The following CUX1 variants were observed in gnomAD, a reference collection of about 807,000 sequenced individuals.
CUX1 encodes the protein cut like homeobox 1, also known as protein CASP.
In CUX1, 31 loss-of-function variants were observed where a neutral mutation model predicts 158.8. The observed-to-expected ratio is 0.20, with a 90% CI of 0.15 to 0.26. The LOEUF (loss-of-function observed/expected upper bound fraction) is 0.26, where lower values mean the gene tolerates loss of function less well. Ranked by LOEUF, CUX1 falls within the 10% of genes least tolerant of loss-of-function variation. CUX1 has a pLI of 1.00. For missense variants in CUX1, 1,589 were observed against 2,014.6 expected (o/e 0.79, Z 4.04); for synonymous variants, 879 against 862.1 (o/e 1.02, Z -0.34).
chr7:101,890,990 T>A (rs1020395281), intron 1 of CUX1, among the ~76,000 whole-genome samples: 6 of 152,166 alleles, frequency 3.9e-5, no homozygotes, highest in Non-Finnish European at 8.8e-5. Context: ...TAGCAGGATT[T>A]TTTTTTTGAG....
rs192224432 is a variant in CUX1, at chr7:102,152,442, A to G, written c.675-6118A>G. Among the ~76,000 whole-genome samples, 75 of 152,264 alleles carry G rather than the reference A, an allele frequency of 4.9e-4. 1 individual carries two copies. The highest frequency in any genetic ancestry group is 1.8e-3 in the African/African-American group (74 of 41,550). On this transcript the variant is annotated intron_variant, in intron 8 of 23. Transcript: ENST00000292535. ...TTTTGTTTGTTTGTTTTTTTGAGAC[A>G]GGGTCTCACTTTGTCACCTAGGCTG...
intron 4 of CUX1, among the ~76,000 whole-genome samples, chr7:102,087,597 G>C (rs1554480944): frequency 6.6e-6 from 1 of 152,030 alleles, no homozygotes; most frequent in African/African-American, 2.4e-5. Context: ...AAAGTGAAAA[G>C]TAACCATCTT....
At chr7:102,047,327 A>C (rs932747525) in intron 3 of CUX1, among the ~76,000 whole-genome samples, 7 of 151,898 alleles carry the variant, frequency 4.6e-5, no homozygotes, top group Non-Finnish European at 5.9e-5. Context: ...GAATGGATAG[A>C]TGGTTGATTG....
chr7:102,263,911 C>T (rs545712266), intron 14 of CUX1, among the ~76,000 whole-genome samples: 5 of 151,334 alleles, frequency 3.3e-5, no homozygotes, highest in Non-Finnish European at 7.4e-5. Context: ...GGGCTGGTCT[C>T]GAACTCCTGG....
At chr7:102,182,788 G>A (rs1793233601) in intron 11 of CUX1, among the ~76,000 whole-genome samples, 1 of 152,182 alleles carries the variant, frequency 6.6e-6, no homozygotes, top group African/African-American at 2.4e-5. Flanking sequence ...AGTATAATTA[G>A]CTAGTCAACT....
At chr7:102,278,826 C>T (rs1005039634) in intron 18 of CUX1, among the ~76,000 whole-genome samples, 2 of 151,480 alleles carry the variant, frequency 1.3e-5, no homozygotes, top group Admixed American at 6.6e-5. Context: ...GAGGCCGAGG[C>T]GGGTGGAGTT....
intron 1 of CUX1, among the ~76,000 whole-genome samples, chr7:101,880,171 G>A (rs543857471): frequency 2.2e-4 from 34 of 152,188 alleles, no homozygotes; most frequent in African/African-American, 7.9e-4. Flanking sequence ...AATGTGCACC[G>A]TTGAAAGGAA....
intron 1 of CUX1, among the ~76,000 whole-genome samples, chr7:101,821,856 TG>T (rs1296478123): frequency 7.6e-6 from 1 of 132,410 alleles, no homozygotes; most frequent in Non-Finnish European, 1.6e-5. Flanking sequence ...TTTGTTTTTT[TG>T]TTTTTTTTTT....
chr7:102,183,890 G>A (rs1361782323), intron 11 of CUX1, among the ~76,000 whole-genome samples: 2 of 152,180 alleles, frequency 1.3e-5, no homozygotes, highest in African/African-American at 2.4e-5. Flanking sequence ...AGTCAGACCT[G>A]CCAGAGGCCC....
At chr7:102,158,418 GC>G in intron 8 of CUX1, 141 bp from the exon 9 acceptor site, 1 of 684,236 alleles carries the variant, frequency 1.5e-6, no homozygotes, top group East Asian at 2.7e-5. Flanking sequence ...CCCAGTGTGA[GC>G]CCACCTCCTC....
intron 8 of CUX1, among the ~76,000 whole-genome samples, chr7:102,148,817 A>G (rs1430457281): frequency 2.0e-5 from 3 of 151,150 alleles, no homozygotes; most frequent in Non-Finnish European, 4.4e-5. Context: ...TGCACCCAAT[A>G]TATAGTCTTT....
chr7:102,097,312 G>A, intron 4 of CUX1, 52 bp from the exon 5 acceptor site: 1 of 1,572,426 alleles, frequency 6.4e-7, no homozygotes, highest in Non-Finnish European at 8.6e-7. Flanking sequence ...CCGCCGTGGA[G>A]GGGGCCTGTT....
chr7:101,835,508 C>T (rs1794526709), intron 1 of CUX1, among the ~76,000 whole-genome samples: 1 of 152,214 alleles, frequency 6.6e-6, no homozygotes, highest in Non-Finnish European at 1.5e-5. Flanking sequence ...TTCTTAGGTG[C>T]AATTGCCAGG....
chr7:102,103,767 A>G (rs1469367882), intron 5 of CUX1, among the ~76,000 whole-genome samples: 1 of 145,468 alleles, frequency 6.9e-6, no homozygotes, highest in South Asian at 2.2e-4. Context: ...TTTTTAATTT[A>G]TTTGTAATTT....
chr7:101,819,354 C>T (rs1475188980), intron 1 of CUX1, among the ~76,000 whole-genome samples: 3 of 152,214 alleles, frequency 2.0e-5, no homozygotes, highest in Non-Finnish European at 4.4e-5. Flanking sequence ...GCTTTGAACT[C>T]TTTGGGACGG....
chr7:101,959,403 G>A (rs1041863261), intron 2 of CUX1: 1 of 151,956 alleles, frequency 6.6e-6, no homozygotes, highest in Non-Finnish European at 1.5e-5. Flanking sequence ...TCCTATCCCA[G>A]ATAAGAAGAA....
rs996966804 is a variant in CUX1, at chr7:102,081,987, T to G, written c.268+11570T>G. On this transcript the variant is annotated intron_variant, in intron 4 of 23. Coordinates refer to ENST00000292535, the MANE Select transcript of CUX1 (RefSeq NM_181552.4). ...TACAGCCATAATGCACAACTCAGCCTGGGTTCCCTTCTTTCTTTCACACCC... is the reference window on the plus strand; with the variant it reads ...TACAGCCATAATGCACAACTCAGCCGGGGTTCCCTTCTTTCTTTCACACCC... 4.8e-5 allele frequency among the ~76,000 whole-genome samples: 7 copies of G among 146,500 alleles called. 2 individuals carry two copies. The highest frequency in any genetic ancestry group is 1.1e-4 in the Non-Finnish European group (7 of 64,876).
rs531718389 is a variant in CUX1, at chr7:102,181,160, CA to C, written c.1017+2506del. ...TTCTCCGTGTTGGTCAGGCTGGTCT[CA>C]AATTCCCGATCTCAGGTGATCCACC... On this transcript the variant is annotated intron_variant, in intron 11 of 23. Transcript: ENST00000292535. Among the ~76,000 whole-genome samples, 36 of 152,052 alleles carry C rather than the reference CA, an allele frequency of 2.4e-4. No individual in the cohort carries two copies. In the East Asian group the frequency reaches 6.4e-3, roughly 27 times the overall value.
intron 6 of CUX1, among the ~76,000 whole-genome samples, chr7:102,105,045 C>T (rs781969030): frequency 2.6e-5 from 4 of 152,158 alleles, no homozygotes; most frequent in South Asian, 2.1e-4. Flanking sequence ...GTTAGCAAGG[C>T]GGCACCTGGC....
Sources: allele counts gnomAD v4.1 joint callset (sites outside exome capture counted in the v4.1 genomes callset), GRCh38; gene constraint gnomAD v4.1.1; transcripts MANE v1.5; gene names NCBI Gene and HGNC (gene_info 2026-07-23, HGNC 2026-07-21).